The following DIP2B variants were observed in gnomAD, a reference collection of about 807,000 sequenced individuals.
DIP2B encodes DIP2 acetate--CoA ligase B (putative).
DIP2B carries 76 observed loss-of-function variants against 198.0 expected under a neutral mutation model. The ratio of observed to expected loss-of-function variants is 0.38; its 90% confidence interval spans 0.32 to 0.46. DIP2B has a LOEUF of 0.46. Among genes scored for constraint, DIP2B ranks in the 20% least tolerant of loss-of-function variants. DIP2B has a pLI of 0.99. For synonymous variants in DIP2B, 701 were observed against 739.1 expected (o/e 0.95, Z 0.84); for missense variants, 1,559 against 1,978.4 (o/e 0.79, Z 4.02).
At chr12:50,578,099 C>T (rs967205857) in intron 1 of DIP2B, among the ~76,000 whole-genome samples, 6 of 152,196 alleles carry the variant, frequency 3.9e-5, no homozygotes, top group African/African-American at 1.4e-4. Context: ...GCAACCTCCA[C>T]CTCCCAGGTT....
At chr12:50,570,396 A>G (rs891354228) in intron 1 of DIP2B, among the ~76,000 whole-genome samples, 1 of 152,212 alleles carries the variant, frequency 6.6e-6, no homozygotes, top group Non-Finnish European at 1.5e-5. Context: ...CCAGTTGCTG[A>G]CATTTTGGTG....
At position 50,697,081 on chromosome 12, in the gene DIP2B, G is replaced by A. The variant is rs1939325676; in HGVS notation, c.1954G>A (p.Ala652Thr). ...ANPWSVSSCDAFLSLFQSHGL... is the reference protein window; with the variant it reads ...ANPWSVSSCDTFLSLFQSHGL... ...CTTAGGGTCCGTGTCATCCTGTGAT[G>A]CCTTCCTGAGTCTGTTCCAAAGTCA... The change falls in exon 17 of 38, where the codon GCC becomes ACC. Residue 652 changes from alanine to threonine, a missense_variant. Coordinates refer to ENST00000301180, the MANE Select transcript of DIP2B (RefSeq NM_173602.3). The A allele has an allele frequency of 6.2e-7, 1 of 1,614,050 alleles. No homozygotes were observed. The highest frequency in any genetic ancestry group is 1.3e-5 in the African/African-American group (1 of 75,036).
chr12:50,532,566 A>T (rs904627478), intron 1 of DIP2B, among the ~76,000 whole-genome samples: 1 of 152,196 alleles, frequency 6.6e-6, no homozygotes, highest in Non-Finnish European at 1.5e-5. Context: ...TCCTTGGAAC[A>T]TGCATTGTGA....
chr12:50,584,565 A>T (rs1265875055), intron 1 of DIP2B, among the ~76,000 whole-genome samples: 1 of 151,868 alleles, frequency 6.6e-6, no homozygotes, highest in Non-Finnish European at 1.5e-5. Flanking sequence ...TTATTTATTT[A>T]TTTTTTATAT....
intron 30 of DIP2B, among the ~76,000 whole-genome samples, chr12:50,729,306 G>A (rs1939994639): frequency 6.6e-6 from 1 of 152,182 alleles, no homozygotes; most frequent in African/African-American, 2.4e-5. Flanking sequence ...CTTATCTTCA[G>A]ATTCTGTATC....
Position 50,625,773 on chromosome 12 carries a change from A to T in DIP2B, c.101-203A>T, listed in dbSNP as rs2684900. 0.27 allele frequency among the ~76,000 whole-genome samples: 41,187 copies of T among 151,996 alleles called. 6,355 individuals are homozygous for T. Among genetic ancestry groups the T allele is most frequent in the Non-Finnish European group, 0.35 (23,664 of 67,952 alleles). On this transcript the variant is annotated intron_variant, in intron 1 of 37. Transcript: ENST00000301180. ...CAAGATTGGTTTTGGGACAAGCTCT[A>T]CAGTATTCTACAGGAAGTCAGCTCC...
At chr12:50,548,845 G>GT (rs1388321969) in intron 1 of DIP2B, among the ~76,000 whole-genome samples, 2 of 152,266 alleles carry the variant, frequency 1.3e-5, no homozygotes, top group East Asian at 3.9e-4. Flanking sequence ...CTTTTAAAGT[G>GT]TAAGATACTA....
At chr12:50,669,614 A>G (rs529971109) in intron 4 of DIP2B, among the ~76,000 whole-genome samples, 4 of 152,254 alleles carry the variant, frequency 2.6e-5, no homozygotes, top group East Asian at 1.9e-4. Context: ...TAGTAAAGAC[A>G]GGGTTTCGCG....
At chr12:50,549,153 G>A (rs1958402909) in intron 1 of DIP2B, among the ~76,000 whole-genome samples, 2 of 150,716 alleles carry the variant, frequency 1.3e-5, no homozygotes, top group Non-Finnish European at 2.9e-5. Context: ...AGTCAGGGAC[G>A]AAAGTGGGGG....
Position 50,505,660 on chromosome 12 carries a change from C to T in DIP2B, c.100+420C>T, listed in dbSNP as rs185640452. Among the ~76,000 whole-genome samples, 6 of 152,230 alleles carry T rather than the reference C, an allele frequency of 3.9e-5. No homozygotes were observed. In the East Asian group the frequency reaches 5.8e-4, roughly 15 times the overall value. On this transcript the variant is annotated intron_variant, in intron 1 of 37. Transcript: ENST00000301180. ...GGCTCCACGCCTTGTTCCAGCCCCC[C>T]CTTCCCCCTTTCAAAAAGAGACACA...
intron 9 of DIP2B, among the ~76,000 whole-genome samples, chr12:50,681,443 C>CAAA (rs568239172): frequency 6.7e-6 from 1 of 149,586 alleles, no homozygotes; most frequent in East Asian, 2.0e-4. Flanking sequence ...ACAACAACAA[C>CAAA]AAAAAAAAAG....
intron 16 of DIP2B, 29 bp from the exon 17 acceptor site, chr12:50,697,032 C>A: frequency 6.5e-7 from 1 of 1,544,482 alleles, no homozygotes; most frequent in Non-Finnish European, 8.9e-7. Context: ...ATAATTTCAG[C>A]TTCAGGTTGA....
At chr12:50,722,283 T>A (rs998512117) in intron 26 of DIP2B, among the ~76,000 whole-genome samples, 4 of 151,268 alleles carry the variant, frequency 2.6e-5, no homozygotes, top group Non-Finnish European at 4.4e-5. Context: ...TTTTATTTTA[T>A]TTTATTTTAT....
chr12:50,602,149 C>T (rs1191215041), intron 1 of DIP2B, among the ~76,000 whole-genome samples: 4 of 152,188 alleles, frequency 2.6e-5, no homozygotes, highest in African/African-American at 4.8e-5. Flanking sequence ...TTCCCTCTTA[C>T]GAATCTACTA....
At position 50,674,628 on chromosome 12, in the gene DIP2B, T is replaced by G; in HGVS notation, c.795T>G (p.Asp265Glu). 6.2e-7 allele frequency: 1 copy of G among 1,613,982 alleles called. No homozygotes were observed. The highest frequency in any genetic ancestry group is 8.5e-7 in the Non-Finnish European group (1 of 1,179,910). The change falls in exon 6 of 38, where the codon GAT (aspartate) becomes GAG (glutamate). Residue 265 changes from aspartate to glutamate, a missense_variant and splice_region_variant. By Grantham distance (45) the Asp-to-Glu change is conservative. Transcript: ENST00000301180. Reference protein sequence around the residue: ...SNRSSLMDTADGVPVSSRVST... With the variant: ...SNRSSLMDTAEGVPVSSRVST... ...GGTCCAGCCTTATGGATACAGCTGA[T>G]GGTAAGGAGTTGTTTTTGGTAGCTC...
intron 1 of DIP2B, among the ~76,000 whole-genome samples, chr12:50,508,508 T>C (rs978466308): frequency 6.6e-6 from 1 of 152,192 alleles, no homozygotes; most frequent in Non-Finnish European, 1.5e-5. Context: ...AGAATAGGTA[T>C]TGTTACCACC....
chr12:50,542,147 C>T (rs900799338), intron 1 of DIP2B, among the ~76,000 whole-genome samples: 3 of 149,116 alleles, frequency 2.0e-5, no homozygotes, highest in Non-Finnish European at 4.4e-5. Context: ...ACTTGGGAGG[C>T]TGAGGCAGGA....
At chr12:50,639,894 AAGC>A (rs764214532) in intron 2 of DIP2B, among the ~76,000 whole-genome samples, 2 of 152,210 alleles carry the variant, frequency 1.3e-5, no homozygotes, top group Admixed American at 6.5e-5. Context: ...AAGCTCATAA[AAGC>A]AGAGAGTAGA....
At chr12:50,635,232 T>C (rs1343540429) in intron 2 of DIP2B, among the ~76,000 whole-genome samples, 7 of 152,228 alleles carry the variant, frequency 4.6e-5, no homozygotes, top group Admixed American at 4.6e-4. Context: ...CTTCATCCTG[T>C]GACTTACTTC....
Sources: gnomAD v4.1 joint callset for allele counts (sites outside exome capture counted in the v4.1 genomes callset) on GRCh38, gnomAD v4.1.1 for gene constraint, MANE v1.5 for transcripts, NCBI Gene and HGNC (gene_info 2026-07-23, HGNC 2026-07-21) for gene names.